Variants in PLXNC1 observed in about 807,000 individuals in gnomAD.
PLXNC1 encodes the protein plexin C1.
In PLXNC1, 75 loss-of-function variants were observed where a neutral mutation model predicts 178.2. The observed-to-expected ratio is 0.42, with a 90% CI of 0.35 to 0.51. PLXNC1 has a LOEUF of 0.51. Among genes scored for constraint, PLXNC1 ranks in the 20% least tolerant of loss-of-function variants. The pLI, the probability that PLXNC1 is intolerant of heterozygous loss-of-function variation, is 0.02. For missense variants in PLXNC1, 1,503 were observed against 1,984.4 expected (o/e 0.76, Z 4.61); for synonymous variants, 790 against 779.9 (o/e 1.01, Z -0.22).
rs187927804 is a variant in PLXNC1, at chr12:94,235,902, C to A, written c.1981-1762C>A. On this transcript the variant is annotated intron_variant, in intron 9 of 30. Transcript: ENST00000258526. ...TCTAGTGCACACATAGATCATGTGT[C>A]CCCCACAATATCTGGCCTAAGGACC... Among the ~76,000 whole-genome samples the A allele has an allele frequency of 4.6e-5, 7 of 152,252 alleles. No homozygotes were observed. The East Asian group carries it at 1.2e-3, about 25-fold the overall frequency.
chr12:94,262,767 A>G, intron 20 of PLXNC1: 2 of 985,430 alleles, frequency 2.0e-6, no homozygotes, highest in East Asian at 1.1e-4. Flanking sequence ...CCGCCAGGTA[A>G]CTTTCCCTTC....
intron 15 of PLXNC1, among the ~76,000 whole-genome samples, chr12:94,253,255 G>T (rs1447117876): frequency 7.4e-6 from 1 of 135,926 alleles, no homozygotes; most frequent in Non-Finnish European, 1.6e-5. Flanking sequence ...TGTATTTCCT[G>T]ATTTAACATA....
intron 21 of PLXNC1, among the ~76,000 whole-genome samples, chr12:94,275,444 T>C (rs1422247300): frequency 6.6e-6 from 1 of 152,186 alleles, no homozygotes; most frequent in Non-Finnish European, 1.5e-5. Flanking sequence ...CTGTCTGACA[T>C]GGCACAGGCA....
chr12:94,210,437 T>A (rs76426982), intron 5 of PLXNC1, among the ~76,000 whole-genome samples: 3,007 of 152,364 alleles, frequency 0.02, 37 homozygotes, highest in Middle Eastern at 0.034. Flanking sequence ...ATGACGGCTC[T>A]TGTGTTATGA....
intron 27 of PLXNC1, 80 bp from the exon 28 acceptor site, chr12:94,300,830 C>G: frequency 7.4e-7 from 1 of 1,345,544 alleles, no homozygotes. Flanking sequence ...ACAAAAACAC[C>G]CGTTTACAAA....
intron 2 of PLXNC1, among the ~76,000 whole-genome samples, chr12:94,179,132 T>G (rs1209961063): frequency 6.6e-6 from 1 of 152,212 alleles, no homozygotes; most frequent in Non-Finnish European, 1.5e-5. Flanking sequence ...AGTTGCTCTG[T>G]GCAAAATTGA....
chr12:94,290,007 C>A (rs141733541), intron 23 of PLXNC1, among the ~76,000 whole-genome samples: 1 of 152,268 alleles, frequency 6.6e-6, no homozygotes, highest in Non-Finnish European at 1.5e-5. Flanking sequence ...CTTGAGGAGA[C>A]ATTTGAACTT....
chr12:94,233,962 T>A (rs1964176638), intron 9 of PLXNC1, among the ~76,000 whole-genome samples: 1 of 152,140 alleles, frequency 6.6e-6, no homozygotes, highest in Non-Finnish European at 1.5e-5. Context: ...TTCCTTTAAT[T>A]AGTTGTGCTA....
Position 94,249,853 on chromosome 12 carries a change from A to G in PLXNC1, c.2778+1441A>G, listed in dbSNP as rs1964627768. On this transcript the variant is annotated intron_variant, in intron 14 of 30. Transcript: ENST00000258526. ...ATCTGCCTTTATGGAGGTTCCCTAA[A>G]GAGACACAGCGTGAAGAATATAAAT... is the stretch of plus-strand genomic sequence containing the variant. Among the ~76,000 whole-genome samples, 3 of 150,550 alleles carry G rather than the reference A, an allele frequency of 2.0e-5. No homozygotes were observed. In the South Asian group the frequency reaches 6.3e-4, roughly 31 times the overall value.
chr12:94,195,890 G>T (rs950922840), intron 4 of PLXNC1, among the ~76,000 whole-genome samples: 3 of 152,158 alleles, frequency 2.0e-5, no homozygotes, highest in Non-Finnish European at 4.4e-5. Context: ...AAACATATTT[G>T]TCCCCAACAC....
At chr12:94,304,597 C>G (rs1968809505) in intron 30 of PLXNC1, among the ~76,000 whole-genome samples, 1 of 152,138 alleles carries the variant, frequency 6.6e-6, no homozygotes, top group South Asian at 2.1e-4. Flanking sequence ...CCCTGATTCC[C>G]CCCCAATCAT....
intron 22 of PLXNC1, 110 bp downstream of exon 22, chr12:94,279,759 A>C (rs1966296642): frequency 1.0e-6 from 1 of 961,878 alleles, no homozygotes. Context: ...ATTCAGTGAC[A>C]CTTACACAGC....
chr12:94,181,415 T>C, intron 2 of PLXNC1, 31 bp from the exon 3 acceptor site: 1 of 1,344,978 alleles, frequency 7.4e-7, no homozygotes, highest in Non-Finnish European at 1.0e-6. Context: ...TAAATAGAAA[T>C]CATGTTTCTC....
intron 23 of PLXNC1, among the ~76,000 whole-genome samples, chr12:94,292,308 C>T (rs908692852): frequency 2.0e-5 from 3 of 152,130 alleles, no homozygotes; most frequent in South Asian, 2.1e-4. Context: ...GTCATTGTCT[C>T]GGAAGGGACA....
chr12:94,193,233 G>T, intron 4 of PLXNC1, among the ~76,000 whole-genome samples: 1 of 152,296 alleles, frequency 6.6e-6, no homozygotes, highest in African/African-American at 2.4e-5. Flanking sequence ...AGTGCGACCA[G>T]ATCAGGTGAG....
intron 23 of PLXNC1, among the ~76,000 whole-genome samples, chr12:94,283,355 A>G (rs1966592010): frequency 6.6e-6 from 1 of 151,912 alleles, no homozygotes; most frequent in Non-Finnish European, 1.5e-5. Flanking sequence ...AAAACTTGAG[A>G]GGGGCAATGG....
At chr12:94,193,220 A>T (rs1962787051) in intron 4 of PLXNC1, among the ~76,000 whole-genome samples, 1 of 152,190 alleles carries the variant, frequency 6.6e-6, no homozygotes, top group South Asian at 2.1e-4. Flanking sequence ...GGCTTTAATT[A>T]AAAGTGCGAC....
intron 17 of PLXNC1, 70 bp downstream of exon 17, chr12:94,255,366 C>A: frequency 9.4e-7 from 1 of 1,063,622 alleles, no homozygotes; most frequent in Non-Finnish European, 1.5e-6. Context: ...TTGCTGTTGT[C>A]AAAACGAGTG....
chr12:94,265,892 T>C (rs1334357306), intron 21 of PLXNC1, among the ~76,000 whole-genome samples: 1 of 152,122 alleles, frequency 6.6e-6, no homozygotes, highest in Non-Finnish European at 1.5e-5. Flanking sequence ...AAAGCCCAGT[T>C]TGGGGCACAT....
Sources: allele counts gnomAD v4.1 joint callset (sites outside exome capture counted in the v4.1 genomes callset), GRCh38; gene constraint gnomAD v4.1.1; transcripts MANE v1.5; gene names NCBI Gene and HGNC (gene_info 2026-07-23, HGNC 2026-07-21).